Variants in PSMD7 observed in about 807,000 individuals in gnomAD.
PSMD7 encodes the protein 26S proteasome non-ATPase regulatory subunit 7.
A neutral mutation model predicts 36.4 loss-of-function variants in PSMD7; 13 were observed. The ratio of observed to expected loss-of-function variants is 0.36; its 90% CI spans 0.23 to 0.57. The LOEUF (loss-of-function observed/expected upper bound fraction) is 0.57, where lower values mean the gene tolerates loss of function less well. Ranked by LOEUF, PSMD7 falls within the 20% of genes least tolerant of loss-of-function variation. PSMD7 has a pLI of 0.83. For synonymous variants in PSMD7, 186 were observed against 151.0 expected (o/e 1.23, Z -1.70); for missense variants, 298 against 393.6 (o/e 0.76, Z 2.06).
chr16:74,304,720 C>T (rs2034182176), intron 6 of PSMD7: 1 of 193,900 alleles, frequency 5.2e-6, no homozygotes, highest in Non-Finnish European at 1.0e-5. Flanking sequence ...CACTAGGTGT[C>T]CTTCTCAACA....
intron 1 of PSMD7, chr16:74,299,427 T>C: frequency 2.8e-6 from 1 of 353,978 alleles, no homozygotes; most frequent in Non-Finnish European, 5.9e-6. Flanking sequence ...TGGGGTGCAG[T>C]AGCACAATCT....
chr16:74,305,504 T>G lies in PSMD7; in HGVS notation c.746T>G (p.Phe249Cys). 1 of 1,614,096 alleles carries G rather than the reference T, an allele frequency of 6.2e-7. No individual in the cohort carries two copies. The highest frequency in any genetic ancestry group is 8.5e-7 in the Non-Finnish European group (1 of 1,180,020). The change falls in exon 7 of 7, where the codon TTT (phenylalanine) becomes TGT (cysteine). Residue 249 changes from phenylalanine (F) to cysteine (C), a missense_variant. Phe to Cys is a radical substitution (Grantham distance 205, BLOSUM62 -2). Transcript: ENST00000219313. ...DVSLQEFVKAFYLKTNDQMVV... is the reference protein window; with the variant it reads ...DVSLQEFVKACYLKTNDQMVV... The stretch of plus-strand genomic sequence containing the variant: ...AGCCTGCAGGAGTTCGTCAAGGCCT[T>G]TTACCTGAAGACCAATGACCAGATG...
Position 74,301,577 on chromosome 16 carries a change from G to C in PSMD7, c.282G>C (p.Trp94Cys), listed in dbSNP as rs769966707. Residue 94 changes from tryptophan to cysteine, a missense_variant, in exon 4 of 7, where the codon TGG becomes TGC. Transcript: ENST00000219313. ...TAGCCAGGGAAAGAATAGTTGGCTG[G>C]TACCACACAGGCCCTAAACTACACA... ...KVNARERIVG[W>C]YHTGPKLHKN... The C allele has an allele frequency of 6.2e-7, 1 of 1,613,310 alleles. No homozygotes were observed. Among genetic ancestry groups the C allele is most frequent in the African/African-American group, 1.3e-5 (1 of 74,896 alleles).
intron 4 of PSMD7, among the ~76,000 whole-genome samples, chr16:74,301,945 G>C (rs568026439): frequency 6.6e-6 from 1 of 152,124 alleles, no homozygotes; most frequent in Non-Finnish European, 1.5e-5. Flanking sequence ...TCTGGTAAGG[G>C]GTGGGACTGG....
rs754402117 is a variant in PSMD7, at chr16:74,296,874, G to C, written c.-41G>C. ...GACCGCTACTGCTGCCGGTGTTTGC[G>C]TGTGGCAGGGAGCCAGGCCTGGCGA... On this transcript the variant is annotated 5_prime_UTR_variant, in exon 1 of 7. Transcript: ENST00000219313. The C allele has an allele frequency of 8.7e-6, 14 of 1,607,246 alleles. No individual in the cohort carries two copies. In the East Asian group the frequency reaches 3.1e-4, roughly 36 times the overall value.
At chr16:74,302,034 A>T (rs911940605) in intron 4 of PSMD7, among the ~76,000 whole-genome samples, 178 bp from the exon 5 acceptor site, 3 of 152,154 alleles carry the variant, frequency 2.0e-5, no homozygotes, top group African/African-American at 7.2e-5. Flanking sequence ...AATGAAGGGG[A>T]TCGAAAAGCA....
At position 74,301,008 on chromosome 16, in the gene PSMD7, G is replaced by A. The variant is rs747458591; in HGVS notation, c.167-44G>A. ...TCTTCAATTGTGACCTGTGTTCTAGGTTTCTATCAAGCACCCTAAACTAAC... is the reference window on the plus strand; with the variant it reads ...TCTTCAATTGTGACCTGTGTTCTAGATTTCTATCAAGCACCCTAAACTAAC... On this transcript the variant is annotated intron_variant, in intron 2 of 6. Coordinates refer to ENST00000219313, the MANE Select transcript of PSMD7 (RefSeq NM_002811.5). 6.5e-6 allele frequency: 8 copies of A among 1,227,938 alleles called. No individual in the cohort carries two copies. In the Admixed American group the frequency reaches 1.1e-4, roughly 16 times the overall value. 76.1% of individuals were successfully genotyped at this position (1,227,938 alleles called of 1,614,324 possible).
At chr16:74,304,864 T>G (rs1350043033) in intron 6 of PSMD7, among the ~76,000 whole-genome samples, 2 of 152,098 alleles carry the variant, frequency 1.3e-5, no homozygotes, top group Non-Finnish European at 2.9e-5. Flanking sequence ...GTTCTAAAAA[T>G]TACCATCTTA....
chr16:74,302,308 A>G lies in PSMD7; in HGVS notation c.438+16A>G, dbSNP rs1014596238. On this transcript the variant is annotated intron_variant, in intron 5 of 6. Transcript: ENST00000219313. ...AGTCCATGATGTAAGTCATCTTGCT[A>G]TGAACCTGGGAGGTTAGACTGCTAC... The G allele has an allele frequency of 1.6e-5, 25 of 1,609,082 alleles. No individual in the cohort carries two copies. The highest frequency in any genetic ancestry group is 5.5e-5 in the South Asian group (5 of 90,580).
intron 2 of PSMD7, among the ~76,000 whole-genome samples, chr16:74,300,662 A>G (rs116838225): frequency 6.6e-6 from 1 of 152,356 alleles, no homozygotes; most frequent in East Asian, 1.9e-4. Flanking sequence ...ACAATAAAGA[A>G]GATGATACTG....
At chr16:74,301,423 A>G (rs2142563404) in intron 3 of PSMD7, 132 bp from the exon 4 acceptor site, 1 of 676,962 alleles carries the variant, frequency 1.5e-6, no homozygotes. Flanking sequence ...GAGTTTTAGT[A>G]CCACCAGGGT....
chr16:74,301,517 T>C, intron 3 of PSMD7, 38 bp from the exon 4 acceptor site: 2 of 1,453,536 alleles, frequency 1.4e-6, no homozygotes, highest in Non-Finnish European at 1.9e-6. Context: ...TAGATCTTCA[T>C]GAAATAGTTA....
chr16:74,304,074 CTCAACG>C, intron 5 of PSMD7: 1 of 403,066 alleles, frequency 2.5e-6, no homozygotes, highest in South Asian at 3.3e-5. Flanking sequence ...CCAGATTTTT[CTCAACG>C]CACAGTGCCC....
intron 1 of PSMD7, 149 bp from the exon 2 acceptor site, chr16:74,299,966 C>G (rs2034142812): frequency 1.4e-6 from 1 of 705,370 alleles, no homozygotes; most frequent in African/African-American, 1.8e-5. Context: ...TTAATATCAA[C>G]CTAACCCTAT....
At chr16:74,301,188 G>GT (rs2034152435) in intron 3 of PSMD7, 44 bp downstream of exon 3, 1 of 1,327,812 alleles carries the variant, frequency 7.5e-7, no homozygotes, top group African/African-American at 1.4e-5. Context: ...GAATTGAACT[G>GT]TGTGTATGGG....
At chr16:74,302,391 G>C (rs563879907) in intron 5 of PSMD7, 99 bp downstream of exon 5, 2 of 964,694 alleles carry the variant, frequency 2.1e-6, no homozygotes, top group Non-Finnish European at 3.2e-6. Context: ...CTTTGTCTCC[G>C]TAACAAAAGA....
Position 74,304,287 on chromosome 16 carries a change from A to C in PSMD7, c.439-16A>C, listed in dbSNP as rs990754975. 1.2e-6 allele frequency: 2 copies of C among 1,605,818 alleles called. No homozygotes were observed. The highest frequency in any genetic ancestry group is 3.3e-5 in the Admixed American group (2 of 59,978). On this transcript the variant is annotated splice_polypyrimidine_tract_variant and intron_variant, in intron 5 of 6. Coordinates refer to ENST00000219313, the MANE Select transcript of PSMD7 (RefSeq NM_002811.5). ...TTGTGGAAAATAAATAATTATAGTTAGGCTTCCTCTCCCAGGATGGAACTC... is the reference window on the plus strand; with the variant it reads ...TTGTGGAAAATAAATAATTATAGTTCGGCTTCCTCTCCCAGGATGGAACTC...
intron 6 of PSMD7, 107 bp downstream of exon 6, chr16:74,304,501 G>A (rs745759717): frequency 7.4e-5 from 67 of 903,336 alleles, no homozygotes; most frequent in Non-Finnish European, 1.1e-4. Context: ...CGTCCTGGCC[G>A]TCCACTAACA....
intron 5 of PSMD7, among the ~76,000 whole-genome samples, chr16:74,302,772 T>A (rs1325153412): frequency 6.6e-6 from 1 of 152,200 alleles, no homozygotes; most frequent in Non-Finnish European, 1.5e-5. Flanking sequence ...AATTCCCCTT[T>A]TACAAATGAA....
Sources: allele counts gnomAD v4.1 joint callset (sites outside exome capture counted in the v4.1 genomes callset), GRCh38; gene constraint gnomAD v4.1.1; transcripts MANE v1.5; gene names NCBI Gene and HGNC (gene_info 2026-07-23, HGNC 2026-07-21).